Variants in CHD6 observed in about 807,000 individuals in gnomAD.
The protein encoded by CHD6 is ATP-dependent chromatin remodeler CHD6.
In CHD6, 50 loss-of-function variants were observed where a neutral mutation model predicts 276.9. The ratio of observed to expected loss-of-function variants is 0.18; its 90% CI spans 0.14 to 0.23. CHD6 has a LOEUF of 0.23. CHD6 is among the 10% of genes least tolerant of loss of function. The pLI is 1.00. For synonymous variants in CHD6, 1,173 were observed against 1,229.3 expected (o/e 0.95, Z 0.96); for missense variants, 2,564 against 3,365.8 (o/e 0.76, Z 5.89).
intron 8 of CHD6, among the ~76,000 whole-genome samples, chr20:41,495,314 G>C (rs2145882071): frequency 6.6e-6 from 1 of 152,274 alleles, no homozygotes; most frequent in African/African-American, 2.4e-5. Context: ...GCAACAACAT[G>C]GATGAACCTG....
At chr20:41,406,569 A>G (rs905817323) in intron 36 of CHD6, among the ~76,000 whole-genome samples, 1 of 152,212 alleles carries the variant, frequency 6.6e-6, no homozygotes, top group African/African-American at 2.4e-5. Context: ...TGCAGGGCAG[A>G]GAGGATGCAG....
chr20:41,452,233 A>C lies in CHD6; in HGVS notation c.3324-208T>G, dbSNP rs2048260657. Among the ~76,000 whole-genome samples the C allele has an allele frequency of 6.6e-6, 1 of 152,244 alleles. No individual in the cohort carries two copies. The highest frequency in any genetic ancestry group is 6.5e-5 in the Admixed American group (1 of 15,294). The stretch of plus-strand genomic sequence containing the variant: ...CACTAAAGTGACCTGGACGTTGGAC[A>C]CTGAGAGCTTCATATGGCCACTACA... On this transcript the variant is annotated intron_variant, in intron 21 of 36. Transcript: ENST00000373233. This position sits in a 1 kb window ranked among gnomAD's most constrained non-coding sequence, Gnocchi z 4.2.
intron 1 of CHD6, among the ~76,000 whole-genome samples, chr20:41,577,531 C>T (rs2045487869): frequency 6.6e-6 from 1 of 152,202 alleles, no homozygotes; most frequent in African/African-American, 2.4e-5. Context: ...AAAGGTTATA[C>T]ATTAAGAAGG....
At chr20:41,470,460 C>T (rs1483271911) in intron 17 of CHD6, among the ~76,000 whole-genome samples, 2 of 152,162 alleles carry the variant, frequency 1.3e-5, no homozygotes, top group Non-Finnish European at 2.9e-5. Flanking sequence ...CATCTTCCAC[C>T]TTGGATCTTC....
chr20:41,617,871 G>C (rs1355185394), intron 1 of CHD6, among the ~76,000 whole-genome samples: 2 of 150,544 alleles, frequency 1.3e-5, no homozygotes, highest in Admixed American at 1.3e-4. Context: ...TTCTCCGCGG[G>C]GGCGGCGGCG....
intron 1 of CHD6, chr20:41,614,687 T>A (rs1455183220): frequency 6.6e-6 from 1 of 152,226 alleles, no homozygotes; most frequent in African/African-American, 2.4e-5. Context: ...ATGGATATTT[T>A]AAAATAACTC....
intron 1 of CHD6, among the ~76,000 whole-genome samples, chr20:41,612,805 C>T (rs1029804103): frequency 4.6e-5 from 7 of 152,224 alleles, no homozygotes; most frequent in South Asian, 4.2e-4. Context: ...CAATGCCCTT[C>T]GCAATCTGCC....
At chr20:41,406,423 G>A (rs553706366) in intron 36 of CHD6, among the ~76,000 whole-genome samples, 11 of 152,204 alleles carry the variant, frequency 7.2e-5, no homozygotes, top group African/African-American at 1.9e-4. Context: ...AACCCATCAG[G>A]ATGGCTGAGC....
chr20:41,613,014 T>A (rs991704972), intron 1 of CHD6, among the ~76,000 whole-genome samples: 1 of 152,200 alleles, frequency 6.6e-6, no homozygotes, highest in African/African-American at 2.4e-5. Context: ...CTTGACTTAT[T>A]AAGTAAATAA....
chr20:41,441,961 A>G (rs2047915253), intron 25 of CHD6, among the ~76,000 whole-genome samples: 2 of 152,212 alleles, frequency 1.3e-5, no homozygotes, highest in African/African-American at 4.8e-5. Context: ...GGCAGCAGTC[A>G]CTCAACTCAA....
intron 2 of CHD6, among the ~76,000 whole-genome samples, chr20:41,536,024 G>A (rs562504764): frequency 6.6e-6 from 1 of 152,074 alleles, no homozygotes; most frequent in African/African-American, 2.4e-5. Flanking sequence ...CACCTTGTTG[G>A]GAGCTTTGAA....
chr20:41,519,226 T>C (rs2145994883), intron 3 of CHD6, among the ~76,000 whole-genome samples: 1 of 152,316 alleles, frequency 6.6e-6, no homozygotes, highest in Non-Finnish European at 1.5e-5. Context: ...GAGGTTGCAG[T>C]GAGCACAGAT....
chr20:41,575,123 G>A (rs939640877), intron 1 of CHD6, among the ~76,000 whole-genome samples: 2 of 152,180 alleles, frequency 1.3e-5, no homozygotes, highest in African/African-American at 4.8e-5. Flanking sequence ...TGTACATCAA[G>A]TAATCAATGG....
At chr20:41,584,925 A>C (rs2045577725) in intron 1 of CHD6, among the ~76,000 whole-genome samples, 1 of 152,184 alleles carries the variant, frequency 6.6e-6, no homozygotes, top group Non-Finnish European at 1.5e-5. Context: ...CAAAGGAAGC[A>C]GAAGAAATCA....
intron 31 of CHD6, among the ~76,000 whole-genome samples, chr20:41,418,577 G>A (rs755772529): frequency 1.3e-5 from 2 of 152,082 alleles, no homozygotes; most frequent in African/African-American, 2.4e-5. Flanking sequence ...TTAAGCAGAG[G>A]AGTTGAATTT....
chr20:41,421,674 G>C lies in CHD6; in HGVS notation c.4961C>G (p.Ser1654Cys). The change falls in exon 31 of 37, where the codon TCC becomes TGC. Residue 1654 changes from serine to cysteine, a missense_variant. By Grantham distance (112) the Ser-to-Cys change is moderately radical. Transcript: ENST00000373233. ...TAGATTTTCAGGTTCATTTTCAAGG[G>C]ACTCTGAAGTCCTACTCATTTGAGA... ...TYSQMSRTSESLENEPENLVR... is the reference protein window; with the variant it reads ...TYSQMSRTSECLENEPENLVR... 1 of 1,613,358 alleles carries C rather than the reference G, an allele frequency of 6.2e-7. No individual in the cohort carries two copies. Among genetic ancestry groups the C allele is most frequent in the Non-Finnish European group, 8.5e-7 (1 of 1,179,504 alleles).
chr20:41,610,509 C>G (rs2045875728), intron 1 of CHD6, among the ~76,000 whole-genome samples: 1 of 152,124 alleles, frequency 6.6e-6, no homozygotes, highest in East Asian at 1.9e-4. Context: ...CGCCCGTAAT[C>G]CCAGCACTTT....
intron 1 of CHD6, among the ~76,000 whole-genome samples, chr20:41,579,293 C>T (rs1483643622): frequency 1.3e-5 from 2 of 151,428 alleles, no homozygotes; most frequent in Non-Finnish European, 2.9e-5. Context: ...CAAAAATTAG[C>T]TGGGCGTGGT....
At chr20:41,551,554 C>T (rs776644941) in intron 1 of CHD6, among the ~76,000 whole-genome samples, 194 bp from the exon 2 acceptor site, 2 of 152,158 alleles carry the variant, frequency 1.3e-5, no homozygotes, top group African/African-American at 2.4e-5. Flanking sequence ...TAATTTATTG[C>T]ACCCAATAAA....
Sources: allele counts gnomAD v4.1 joint callset (sites outside exome capture counted in the v4.1 genomes callset), GRCh38; gene constraint gnomAD v4.1.1; non-coding constraint Gnocchi (gnomAD v3.1); transcripts MANE v1.5; gene names NCBI Gene and HGNC (gene_info 2026-07-23, HGNC 2026-07-21).